Variants in LDLRAD3 observed in about 807,000 individuals in gnomAD.
LDLRAD3 encodes the protein low density lipoprotein receptor class A domain containing 3, also known as low-density lipoprotein receptor class A domain-containing protein 3.
A neutral mutation model predicts 29.4 loss-of-function variants in LDLRAD3; 20 were observed. The ratio of observed to expected loss-of-function variants is 0.68; its 90% CI spans 0.48 to 0.99. LDLRAD3 has a LOEUF of 0.99. Among genes scored for constraint, LDLRAD3 ranks in the 50% least tolerant of loss-of-function variants. The pLI is 0.00. For missense variants in LDLRAD3, 420 were observed against 454.3 expected (o/e 0.92, Z 0.69); for synonymous variants, 157 against 192.7 (o/e 0.81, Z 1.53).
At chr11:36,098,175 G>GC (rs1565220666) in intron 3 of LDLRAD3, 152 bp from the exon 4 acceptor site, 2 of 904,314 alleles carry the variant, frequency 2.2e-6, no homozygotes, top group Non-Finnish European at 3.3e-6. Context: ...GGTTTGGCTG[G>GC]CCAGCCTTAC....
intron 4 of LDLRAD3, among the ~76,000 whole-genome samples, chr11:36,180,488 G>A (rs1442925094): frequency 6.6e-6 from 1 of 152,180 alleles, no homozygotes; most frequent in South Asian, 2.1e-4. Context: ...GGTGCTCAAG[G>A]AGGCCTGCGA....
intron 1 of LDLRAD3, among the ~76,000 whole-genome samples, chr11:35,999,233 G>C (rs1400517819): frequency 6.6e-6 from 1 of 152,154 alleles, no homozygotes; most frequent in African/African-American, 2.4e-5. Flanking sequence ...AGTTAACTGG[G>C]TGCAGCCTAG....
chr11:36,051,415 T>G (rs1240810165), intron 2 of LDLRAD3, among the ~76,000 whole-genome samples: 3 of 152,208 alleles, frequency 2.0e-5, no homozygotes, highest in African/African-American at 7.2e-5. Flanking sequence ...CCTGGGCAAG[T>G]TACTTAACCT....
chr11:36,128,230 T>C (rs974999374), intron 4 of LDLRAD3, among the ~76,000 whole-genome samples: 1 of 151,356 alleles, frequency 6.6e-6, no homozygotes, highest in Non-Finnish European at 1.5e-5. Context: ...AGGCAAACAA[T>C]TAATCAGCAT....
At chr11:35,976,889 T>C (rs1184907633) in intron 1 of LDLRAD3, among the ~76,000 whole-genome samples, 2 of 152,202 alleles carry the variant, frequency 1.3e-5, no homozygotes, top group Non-Finnish European at 2.9e-5. Context: ...CATGCATGCA[T>C]GTGTCTGTGT....
At chr11:36,175,779 T>C (rs1418319219) in intron 4 of LDLRAD3, among the ~76,000 whole-genome samples, 3 of 152,194 alleles carry the variant, frequency 2.0e-5, no homozygotes, top group Non-Finnish European at 2.9e-5. Context: ...AGAATGTATA[T>C]CTGCAGTTGT....
chr11:36,001,157 G>A (rs1156236214), intron 1 of LDLRAD3: 3 of 152,112 alleles, frequency 2.0e-5, no homozygotes, highest in Non-Finnish European at 4.4e-5. Context: ...AGGAGAAGGT[G>A]GTCATTTCCT....
intron 4 of LDLRAD3, among the ~76,000 whole-genome samples, chr11:36,192,678 G>C (rs1006848083): frequency 6.6e-6 from 1 of 152,168 alleles, no homozygotes; most frequent in African/African-American, 2.4e-5. Context: ...CCTGGATTAG[G>C]TCCAGGGCAT....
chr11:36,222,486 A>G (rs964187402), intron 4 of LDLRAD3, among the ~76,000 whole-genome samples: 1 of 152,186 alleles, frequency 6.6e-6, no homozygotes, highest in African/African-American at 2.4e-5. Flanking sequence ...ATGCCTGCAT[A>G]TATACCAGGC....
intron 1 of LDLRAD3, among the ~76,000 whole-genome samples, chr11:36,002,254 AT>A (rs1851834336): frequency 6.6e-6 from 1 of 152,228 alleles, no homozygotes; most frequent in Non-Finnish European, 1.5e-5. Context: ...CTTAACAGTC[AT>A]TCCTGTTGAT....
chr11:35,957,816 G>A lies in LDLRAD3; in HGVS notation c.46+13672G>A, dbSNP rs66794017. ...ATCTCAAAAAAAAAAAAAAAAAAAA[G>A]AAAAGAAAAGAAAAAAATACAATGC... On this transcript the variant is annotated intron_variant, in intron 1 of 5. Coordinates refer to ENST00000315571, the MANE Select transcript of LDLRAD3 (RefSeq NM_174902.4). Among the ~76,000 whole-genome samples the A allele has an allele frequency of 9.4e-3, 1,227 of 130,112 alleles. 2 individuals are homozygous for A. Among genetic ancestry groups the A allele is most frequent in the East Asian group, 0.013 (57 of 4,544 alleles). The allele number at this position is 130,112 out of a possible 152,430, so 85.4% of individuals were successfully genotyped here.
rs187342278 is a variant in LDLRAD3, at chr11:35,969,097, C to T, written c.46+24953C>T. ...GGGGGGCACTTCCCCCTCAGGACAC[C>T]GAAGCTCAGAGAGAGGAAAGAAATC... On this transcript the variant is annotated intron_variant, in intron 1 of 5. Coordinates refer to ENST00000315571, the MANE Select transcript of LDLRAD3 (RefSeq NM_174902.4). 1.2e-4 allele frequency among the ~76,000 whole-genome samples: 18 copies of T among 152,202 alleles called. No individual in the cohort carries two copies. The East Asian group carries it at 2.9e-3, about 24-fold the overall frequency.
At chr11:36,112,837 TC>T (rs1853623780) in intron 4 of LDLRAD3, among the ~76,000 whole-genome samples, 2 of 152,198 alleles carry the variant, frequency 1.3e-5, no homozygotes, top group Non-Finnish European at 2.9e-5. Flanking sequence ...TTGCTTTTTT[TC>T]CTCAGATGTT....
intron 4 of LDLRAD3, among the ~76,000 whole-genome samples, chr11:36,198,107 A>G (rs1261704517): frequency 2.0e-5 from 3 of 152,180 alleles, no homozygotes; most frequent in Non-Finnish European, 4.4e-5. Flanking sequence ...AGCATGTGCT[A>G]TGATGAAAGA....
chr11:36,162,703 G>C (rs1209208254), intron 4 of LDLRAD3, among the ~76,000 whole-genome samples: 2 of 152,164 alleles, frequency 1.3e-5, no homozygotes, highest in African/African-American at 4.8e-5. Context: ...CTTCCCACTG[G>C]AGACTGACTT....
rs1851266761 is a variant in LDLRAD3, at chr11:35,960,763, AT to A, written c.46+16624del. 2.6e-5 allele frequency among the ~76,000 whole-genome samples: 4 copies of A among 152,092 alleles called. No homozygotes were observed. The South Asian group carries it at 8.3e-4, about 32-fold the overall frequency. ...AGGCTTGTGTTCCCACATCTGGCTA[AT>A]TTTTGTATTTTTAGTAGAGACGGAG... is the stretch of plus-strand genomic sequence containing the variant. On this transcript the variant is annotated intron_variant, in intron 1 of 5. Transcript: ENST00000315571.
intron 4 of LDLRAD3, among the ~76,000 whole-genome samples, chr11:36,191,176 C>T (rs1261999875): frequency 1.3e-5 from 2 of 152,004 alleles, no homozygotes; most frequent in Non-Finnish European, 2.9e-5. Flanking sequence ...GTGTATCAGG[C>T]CTGGGAGCCC....
rs779840914 is a variant in LDLRAD3, at chr11:36,081,778, A to G, written c.319A>G (p.Thr107Ala). 6.2e-7 allele frequency: 1 copy of G among 1,614,222 alleles called. No individual in the cohort carries two copies. The highest frequency in any genetic ancestry group is 1.1e-5 in the South Asian group (1 of 91,088). Reference sequence around the variant, plus strand: ...CGATGGCAGCGATGAAGAGAACTGCAGTAAGTGCTGCGCACTTGAACACTG... The same window carrying G: ...CGATGGCAGCGATGAAGAGAACTGCGGTAAGTGCTGCGCACTTGAACACTG... ...CPDGSDEENC[T>A]ANPLLCSTAR... Residue 107 changes from threonine to alanine, a missense_variant and splice_region_variant, in exon 3 of 6, where the codon ACA becomes GCA. By Grantham distance (58) the Thr-to-Ala change is moderately conservative. Around this residue, in one of 3 missense-constraint regions of LDLRAD3, gnomAD observed 224 missense variants for 222.2 expected, o/e 1.01. Coordinates refer to ENST00000315571, the MANE Select transcript of LDLRAD3 (RefSeq NM_174902.4).
At chr11:36,100,093 A>G (rs1468934056) in intron 4 of LDLRAD3, among the ~76,000 whole-genome samples, 2 of 152,248 alleles carry the variant, frequency 1.3e-5, no homozygotes, top group Admixed American at 1.3e-4. Context: ...GCAGTTGTTC[A>G]GGCCCCGTTC....
Sources: gnomAD v4.1 joint callset for allele counts (sites outside exome capture counted in the v4.1 genomes callset) on GRCh38, gnomAD v4.1.1 for gene constraint, gnomAD v4.1.1 regional missense constraint, MANE v1.5 for transcripts, NCBI Gene and HGNC (gene_info 2026-07-23, HGNC 2026-07-21) for gene names.